Variants in INTS9 observed in about 807,000 individuals in gnomAD.
INTS9 encodes protein related to CPSF subunits of 74 kDa.
INTS9 carries 55 observed loss-of-function variants against 79.7 expected under a neutral mutation model. That is an observed-to-expected ratio of 0.69 (90% CI 0.56 to 0.86). The LOEUF (loss-of-function observed/expected upper bound fraction) is 0.86, where lower values mean the gene tolerates loss of function less well. Ranked by LOEUF, INTS9 falls within the 40% of genes least tolerant of loss-of-function variation. The pLI is 0.00. For missense variants in INTS9, 721 were observed against 831.5 expected (o/e 0.87, Z 1.64); for synonymous variants, 319 against 325.2 (o/e 0.98, Z 0.20).
chr8:28,855,641 C>A (rs1178979341), intron 2 of INTS9, among the ~76,000 whole-genome samples: 2 of 152,168 alleles, frequency 1.3e-5, no homozygotes, highest in Non-Finnish European at 2.9e-5. Context: ...CAGCTAAATG[C>A]AATGTGGATG....
intron 8 of INTS9, among the ~76,000 whole-genome samples, chr8:28,801,935 C>G (rs1804551165): frequency 1.3e-5 from 2 of 152,072 alleles, no homozygotes; most frequent in African/African-American, 4.8e-5. Flanking sequence ...TTTAAGACCT[C>G]AAGAAAATGA....
intron 8 of INTS9, among the ~76,000 whole-genome samples, chr8:28,807,062 G>A (rs1804854972): frequency 6.6e-6 from 1 of 152,036 alleles, no homozygotes; most frequent in Non-Finnish European, 1.5e-5. Context: ...CAATAATACA[G>A]ACAAACTTCT....
intron 15 of INTS9, 122 bp downstream of exon 15, chr8:28,770,860 G>A (rs1802488057): frequency 2.6e-6 from 2 of 757,214 alleles, no homozygotes; most frequent in African/African-American, 1.7e-5. Context: ...TGAGGCACAT[G>A]GCCAGGGAAA....
Position 28,793,847 on chromosome 8 carries a change from C to T in INTS9, c.997G>A (p.Ala333Thr). The change falls in exon 10 of 17, where the codon GCC becomes ACC. Residue 333 changes from alanine to threonine, a missense_variant. By Grantham distance (58) the Ala-to-Thr change is moderately conservative. Transcript: ENST00000521022. ...TGGGAAAACTCCAGTGAACTGTTGG[C>T]CACAGGGGAGATGAAGTAGAGGGGG... ...SVPLYFISPV[A>T]NSSLEFSQIF... The T allele has an allele frequency of 2.5e-6, 4 of 1,612,808 alleles. No individual in the cohort carries two copies. The highest frequency in any genetic ancestry group is 3.4e-6 in the Non-Finnish European group (4 of 1,179,790).
chr8:28,832,853 T>C (rs1258368618), intron 6 of INTS9, among the ~76,000 whole-genome samples: 1 of 152,010 alleles, frequency 6.6e-6, no homozygotes, highest in Non-Finnish European at 1.5e-5. Context: ...TCCCAGCTAC[T>C]TGGGAGCCTG....
intron 6 of INTS9, among the ~76,000 whole-genome samples, chr8:28,828,702 CTT>C (rs796567590): frequency 2.1e-5 from 3 of 145,010 alleles, no homozygotes; most frequent in Admixed American, 1.4e-4. Flanking sequence ...GGTTTTAAGT[CTT>C]TTTTTTTTTT....
chr8:28,867,625 A>T (rs1808832919), intron 1 of INTS9, among the ~76,000 whole-genome samples: 2 of 151,702 alleles, frequency 1.3e-5, no homozygotes, highest in Admixed American at 1.3e-4. Flanking sequence ...AAATACTGTG[A>T]ACTTCCTAAA....
At chr8:28,868,756 T>G (rs1047641316) in intron 1 of INTS9, among the ~76,000 whole-genome samples, 3 of 152,178 alleles carry the variant, frequency 2.0e-5, no homozygotes, top group Admixed American at 1.3e-4. Context: ...CAGTCAAAAC[T>G]CCTCTTTTAT....
intron 1 of INTS9, among the ~76,000 whole-genome samples, chr8:28,887,533 TA>T (rs1294176814): frequency 1.3e-5 from 2 of 152,242 alleles, no homozygotes; most frequent in African/African-American, 2.4e-5. Context: ...GAGAAAATGC[TA>T]AACAAAATGT....
At chr8:28,841,783 G>A (rs565830414) in intron 4 of INTS9, among the ~76,000 whole-genome samples, 26 of 152,092 alleles carry the variant, frequency 1.7e-4, no homozygotes. Flanking sequence ...AAAAGAAAAC[G>A]TTATTAAGAA....
chr8:28,781,716 G>A (rs1207802196), intron 11 of INTS9, among the ~76,000 whole-genome samples: 1 of 152,180 alleles, frequency 6.6e-6, no homozygotes, highest in African/African-American at 2.4e-5. Flanking sequence ...ACTGTATGAC[G>A]TTCTGGAAAA....
intron 14 of INTS9, among the ~76,000 whole-genome samples, chr8:28,772,860 A>G (rs180673029): frequency 2.2e-4 from 33 of 152,366 alleles, no homozygotes; most frequent in Non-Finnish European, 4.1e-4. Context: ...GTGTATACTT[A>G]TATAACTGGA....
intron 8 of INTS9, chr8:28,799,601 A>G (rs1804411929): frequency 1.3e-5 from 2 of 152,202 alleles, no homozygotes; most frequent in Admixed American, 6.5e-5. Flanking sequence ...TGACACCTCA[A>G]ACAACTCCAT....
intron 4 of INTS9, among the ~76,000 whole-genome samples, chr8:28,844,628 C>G (rs1312515580): frequency 6.6e-6 from 1 of 152,106 alleles, no homozygotes. Flanking sequence ...GAGTTTAAGA[C>G]CAGCCTGGCC....
chr8:28,830,580 G>A (rs1231669841), intron 6 of INTS9, among the ~76,000 whole-genome samples: 2 of 149,262 alleles, frequency 1.3e-5, no homozygotes, highest in Non-Finnish European at 3.0e-5. Context: ...AGCTGACATC[G>A]CATCACTGTA....
At chr8:28,860,263 A>G (rs1342407476) in intron 1 of INTS9, among the ~76,000 whole-genome samples, 1 of 152,182 alleles carries the variant, frequency 6.6e-6, no homozygotes, top group Non-Finnish European at 1.5e-5. Context: ...AACATTTCTC[A>G]TGTTCTCCTC....
intron 4 of INTS9, among the ~76,000 whole-genome samples, chr8:28,846,190 C>G (rs897753969): frequency 1.3e-5 from 2 of 152,174 alleles, no homozygotes; most frequent in African/African-American, 4.8e-5. Flanking sequence ...GCCTTGAAAA[C>G]AAATGGAAAC....
At chr8:28,841,223 C>A (rs560477373) in intron 4 of INTS9, among the ~76,000 whole-genome samples, 1 of 152,200 alleles carries the variant, frequency 6.6e-6, no homozygotes, top group Admixed American at 6.5e-5. Flanking sequence ...TGTGCACTGC[C>A]TTTGCAAGAC....
chr8:28,791,308 C>CA (rs1351272034), intron 10 of INTS9, among the ~76,000 whole-genome samples: 2 of 152,098 alleles, frequency 1.3e-5, no homozygotes, highest in African/African-American at 4.8e-5. Flanking sequence ...GAATCCCCCC[C>CA]ATGGACAGGA....
Sources: allele counts gnomAD v4.1 joint callset (sites outside exome capture counted in the v4.1 genomes callset), GRCh38; gene constraint gnomAD v4.1.1; transcripts MANE v1.5; gene names NCBI Gene and HGNC (gene_info 2026-07-23, HGNC 2026-07-21).